The following PRCD variants were observed in gnomAD, a reference collection of about 807,000 sequenced individuals.
The protein encoded by PRCD is photoreceptor disk component PRCD.
A neutral mutation model predicts 10.1 loss-of-function variants in PRCD; 12 were observed. That is an observed-to-expected ratio of 1.18 (90% CI 0.76 to 1.92). The LOEUF (loss-of-function observed/expected upper bound fraction) is 1.92. PRCD is among the 40% of genes most tolerant of loss of function. PRCD has a pLI of 0.00. For missense variants in PRCD, 61 were observed against 72.2 expected, an observed-to-expected ratio of 0.84 and a Z score of 0.56; for synonymous variants, 31 against 26.2, an observed-to-expected ratio of 1.18 and a Z score of -0.56.
At chr17:76,529,807 C>G (rs2074813422) in intron 1 of PRCD, 3 of 985,350 alleles carry the variant, frequency 3.0e-6, no homozygotes, top group Middle Eastern at 5.2e-4. Context: ...CATTGACTCC[C>G]AGGTCTCAGG....
chr17:76,544,492 GC>G lies in PRCD; in HGVS notation c.*843del, dbSNP rs1331716916. On this transcript the variant is annotated 3_prime_UTR_variant, in exon 5 of 5. Coordinates refer to ENST00000592014, the MANE Select transcript of PRCD (RefSeq NM_001077620.3). ...GAGCCTGGCTGGGGTGTGTGCGAAG[GC>G]AGTTCTGTGGGAGCCTCTCAAAGTA... The G allele has an allele frequency of 6.6e-6, 3 of 456,006 alleles. No individual in the cohort carries two copies. The East Asian group carries it at 2.1e-4, about 32-fold the overall frequency. 28.2% of individuals were successfully genotyped at this position (456,006 alleles called of 1,614,324 possible). A position where few individuals can be genotyped will look rare whatever the true frequency, so the allele number is the denominator to read the frequency against.
At chr17:76,542,409 C>T in intron 2 of PRCD, 144 bp from the exon 3 acceptor site, 1 of 945,516 alleles carries the variant, frequency 1.1e-6, no homozygotes, top group Non-Finnish European at 1.7e-6. Context: ...TCACACTGTC[C>T]TAAATGCCAA....
Position 76,528,318 on chromosome 17 carries a change from C to G in PRCD, n.45+485C>G. On this transcript the variant is annotated intron_variant and non_coding_transcript_variant, in intron 1 of 4. Transcript: ENST00000397633. The surrounding 1 kb of genome is among the most constrained non-coding windows in gnomAD (Gnocchi z 5.8). The stretch of plus-strand genomic sequence containing the variant: ...TCCTGCCAGCCGCTCAGCTAGGTCT[C>G]TCTCTAACAGTGAGTAGAAAAGCTA... 1 of 401,682 alleles carries G rather than the reference C, an allele frequency of 2.5e-6. No homozygotes were observed. The highest frequency in any genetic ancestry group is 4.4e-6 in the Non-Finnish European group (1 of 227,968). 24.9% of individuals were successfully genotyped at this position (401,682 alleles called of 1,614,324 possible).
In PRCD at chr17:76,529,980, C is replaced by T. The variant is rs1460235507; in HGVS notation, n.45+2147C>T. On this transcript the variant is annotated intron_variant and non_coding_transcript_variant, in intron 1 of 4. Coordinates refer to the PRCD transcript ENST00000397633. ...GCAGCAGGAAGGGCAGGAGGCCTGG[C>T]GTCCCCAGCTGCCCTCAGGGGACCT... 11 of 985,184 alleles carry T rather than the reference C, an allele frequency of 1.1e-5. No homozygotes were observed. In the East Asian group the frequency reaches 7.9e-4, roughly 71 times the overall value. The allele number at this position is 985,184 out of a possible 1,614,324, so 61.0% of individuals were successfully genotyped here. A position where few individuals can be genotyped will look rare whatever the true frequency, so the allele number is the denominator to read the frequency against.
In PRCD at chr17:76,544,291, TC is replaced by T. The variant is rs2075028407; in HGVS notation, c.*643del. 2.2e-6 allele frequency: 1 copy of T among 454,308 alleles called. No individual in the cohort carries two copies. Among genetic ancestry groups the T allele is most frequent in the Admixed American group, 2.4e-5 (1 of 42,552 alleles). 28.1% of individuals were successfully genotyped at this position (454,308 alleles called of 1,614,324 possible). A position where few individuals can be genotyped will look rare whatever the true frequency, so the allele number is the denominator to read the frequency against. ...GCCTGGCTGGCCCGTGCCCTTGACTTCCAGGCAGTAGAAGATGGAGTTCTCT... is the reference window on the plus strand; with the variant it reads ...GCCTGGCTGGCCCGTGCCCTTGACTTCAGGCAGTAGAAGATGGAGTTCTCT... On this transcript the variant is annotated 3_prime_UTR_variant, in exon 5 of 5. Transcript: ENST00000592014.
At chr17:76,529,368 G>A in intron 1 of PRCD, 1 of 985,460 alleles carries the variant, frequency 1.0e-6, no homozygotes, top group Non-Finnish European at 1.2e-6. Context: ...CAGTCCACAA[G>A]GAGCAGAAGT....
chr17:76,547,738 CAT>C (rs1168455819), downstream of PRCD, among the ~76,000 whole-genome samples: 7 of 150,744 alleles, frequency 4.6e-5, no homozygotes, highest in East Asian at 1.9e-4. Context: ...CACACACACA[CAT>C]ACACAAACAC....
At position 76,545,319 on chromosome 17, in the gene PRCD, G is replaced by A. The variant is rs1307392110; in HGVS notation, c.*1669G>A. The stretch of plus-strand genomic sequence containing the variant: ...CTCCCATCACAGGGCTTAGTGTGAA[G>A]CTCAGGGCAAGGGTGGACCTTTAAA... On this transcript the variant is annotated 3_prime_UTR_variant, in exon 5 of 5. Transcript: ENST00000592014. The A allele has an allele frequency of 2.2e-6, 1 of 456,772 alleles. No homozygotes were observed. Among genetic ancestry groups the A allele is most frequent in the South Asian group, 1.5e-5 (1 of 64,578 alleles). 28.3% of individuals were successfully genotyped at this position (456,772 alleles called of 1,614,324 possible).
At chr17:76,527,895 C>G (rs2074785929) in intron 1 of PRCD, 1 of 436,578 alleles carries the variant, frequency 2.3e-6, no homozygotes, top group Admixed American at 2.4e-5. Context: ...AAGTGGAATT[C>G]AGGAATGTGG....
At chr17:76,540,039 A>C (rs2074967196), upstream of PRCD, 1 of 1,226,642 alleles carries the variant, frequency 8.2e-7, no homozygotes, top group Admixed American at 2.0e-5. The surrounding 1 kb of genome is among the most constrained non-coding windows in gnomAD (Gnocchi z 5.0). Flanking sequence ...CAGGAACCGC[A>C]GGACAGACGG....
rs375562952 is a variant in PRCD, at chr17:76,531,181, C to T, written n.45+3348C>T. ...GAGGAAGGGGGAGTGAACGCCCGGG[C>T]GCCCTGCGTCCTGCAACCCCCAGGC... On this transcript the variant is annotated intron_variant and non_coding_transcript_variant, in intron 1 of 4. Transcript: ENST00000397633. The surrounding 1 kb of genome is among the most constrained non-coding windows in gnomAD (Gnocchi z 7.4). 3.3e-5 allele frequency: 53 copies of T among 1,590,384 alleles called. No homozygotes were observed. The highest frequency in any genetic ancestry group is 1.9e-4 in the Middle Eastern group (1 of 5,336).
At chr17:76,542,777 C>T (rs2075007258) in intron 3 of PRCD, 144 bp downstream of exon 3, 1 of 674,026 alleles carries the variant, frequency 1.5e-6, no homozygotes, top group South Asian at 1.7e-5. Context: ...GGCGGATGGA[C>T]TCATGCCTTT....
chr17:76,547,789 CAT>C (rs1428001875), downstream of PRCD, among the ~76,000 whole-genome samples: 3 of 150,804 alleles, frequency 2.0e-5, no homozygotes, highest in Non-Finnish European at 4.4e-5. Context: ...CACACACAGA[CAT>C]ACACACATTC....
At position 76,530,320 on chromosome 17, in the gene PRCD, C is replaced by T. The variant is rs1031591795; in HGVS notation, n.45+2487C>T. On this transcript the variant is annotated intron_variant and non_coding_transcript_variant, in intron 1 of 4. Coordinates refer to the PRCD transcript ENST00000397633. The surrounding 1 kb of genome is among the most constrained non-coding windows in gnomAD (Gnocchi z 6.1). The stretch of plus-strand genomic sequence containing the variant: ...TCTGGGGGCTAGCCCTCCCCTCACG[C>T]TCCGAGTCAGCAGGAGTCACAGAGG... Among the ~76,000 whole-genome samples the T allele has an allele frequency of 2.6e-5, 4 of 152,130 alleles. No homozygotes were observed. Among genetic ancestry groups the T allele is most frequent in the African/African-American group, 7.2e-5 (3 of 41,414 alleles).
upstream of PRCD, chr17:76,537,555 G>A: frequency 3.6e-6 from 5 of 1,391,030 alleles, no homozygotes; most frequent in Non-Finnish European, 4.7e-6. Flanking sequence ...GCAGCTCCAA[G>A]CCCAGCCCGG....
In PRCD at chr17:76,530,726, G is replaced by C. The variant is rs2074826719; in HGVS notation, n.45+2893G>C. On this transcript the variant is annotated intron_variant and non_coding_transcript_variant, in intron 1 of 4. Coordinates refer to the PRCD transcript ENST00000397633. The surrounding 1 kb of genome is among the most constrained non-coding windows in gnomAD (Gnocchi z 6.1). ...GTGCTCTGAGCTCTCCCTGGCTCTA[G>C]GGAAGGGGAAGGCTCTTTGGGAGGA... Among the ~76,000 whole-genome samples the C allele has an allele frequency of 6.6e-6, 1 of 152,276 alleles. No homozygotes were observed. Among genetic ancestry groups the C allele is most frequent in the East Asian group, 1.9e-4 (1 of 5,172 alleles).
rs2074849249 is a variant in PRCD, at chr17:76,531,878, C to T, written n.45+4045C>T. On this transcript the variant is annotated intron_variant and non_coding_transcript_variant, in intron 1 of 4. Transcript: ENST00000397633. This position sits in a 1 kb window ranked among gnomAD's most constrained non-coding sequence, Gnocchi z 7.4. ...TCCCTCTGGCCAAGCCGGCTCACCCCTACCAAGTCTGGCCATGTCTATCTG... is the reference window on the plus strand; with the variant it reads ...TCCCTCTGGCCAAGCCGGCTCACCCTTACCAAGTCTGGCCATGTCTATCTG... 1.8e-6 allele frequency: 1 copy of T among 557,618 alleles called. No homozygotes were observed. Among genetic ancestry groups the T allele is most frequent in the African/African-American group, 1.9e-5 (1 of 53,400 alleles). The allele number at this position is 557,618 out of a possible 1,614,324, so 34.5% of individuals were successfully genotyped here. A position where few individuals can be genotyped will look rare whatever the true frequency, so the allele number is the denominator to read the frequency against.
chr17:76,542,467 G>C, intron 2 of PRCD, 86 bp from the exon 3 acceptor site: 5 of 1,495,742 alleles, frequency 3.3e-6, no homozygotes, highest in Non-Finnish European at 4.7e-6. Flanking sequence ...TGAATTGATA[G>C]GGATGGGAGG....
chr17:76,531,965 C>T lies in PRCD; in HGVS notation n.45+4132C>T. 2.8e-6 allele frequency: 1 copy of T among 360,226 alleles called. No homozygotes were observed. The highest frequency in any genetic ancestry group is 5.1e-6 in the Non-Finnish European group (1 of 194,586). 22.3% of individuals were successfully genotyped at this position (360,226 alleles called of 1,614,324 possible). A position where few individuals can be genotyped will look rare whatever the true frequency, so the allele number is the denominator to read the frequency against. On this transcript the variant is annotated intron_variant and non_coding_transcript_variant, in intron 1 of 4. Transcript: ENST00000397633. The surrounding 1 kb of genome is among the most constrained non-coding windows in gnomAD (Gnocchi z 7.4). ...CCTCTGTCTTCCTCGCTTCTTGCTT[C>T]CTTCCCAAACTCTACACCCCCTTCA...
Sources: gnomAD v4.1 joint callset for allele counts (sites outside exome capture counted in the v4.1 genomes callset) on GRCh38, gnomAD v4.1.1 for gene constraint, Gnocchi (gnomAD v3.1) non-coding constraint, MANE v1.5 for transcripts, NCBI Gene and HGNC (gene_info 2026-07-23, HGNC 2026-07-21) for gene names.